Variants in EPHA5 observed in about 807,000 individuals in gnomAD.
EPHA5 encodes the protein ephrin type-A receptor 5.
A neutral mutation model predicts 105.0 loss-of-function variants in EPHA5; 60 were observed. The ratio of observed to expected loss-of-function variants is 0.57; its 90% CI spans 0.46 to 0.71. The LOEUF (loss-of-function observed/expected upper bound fraction) is 0.71. EPHA5 is among the 30% of genes least tolerant of loss of function. The pLI is 0.00. For missense variants in EPHA5, 1,218 were observed against 1,274.7 expected (o/e 0.96, Z 0.68); for synonymous variants, 513 against 449.1 (o/e 1.14, Z -1.80).
intron 3 of EPHA5, among the ~76,000 whole-genome samples, chr4:65,562,250 C>T (rs1016712797): frequency 6.6e-6 from 1 of 152,032 alleles, no homozygotes; most frequent in African/African-American, 2.4e-5. Flanking sequence ...TTATAAATTT[C>T]CCCCACTACT....
intron 5 of EPHA5, among the ~76,000 whole-genome samples, chr4:65,468,541 A>G (rs1197868077): frequency 9.4e-6 from 1 of 106,758 alleles, no homozygotes; most frequent in Admixed American, 1.2e-4. Context: ...ACCTTTATAT[A>G]TATATATAAT....
intron 3 of EPHA5, among the ~76,000 whole-genome samples, chr4:65,553,595 T>C (rs1738123412): frequency 6.6e-6 from 1 of 152,038 alleles, no homozygotes. Context: ...GTCAAATATC[T>C]GGTAAAAGAA....
chr4:65,573,661 T>A, intron 3 of EPHA5: 3 of 1,600,678 alleles, frequency 1.9e-6, no homozygotes, highest in South Asian at 2.2e-5. Context: ...AGAAAGGCCA[T>A]GTACAAGAGG....
chr4:65,352,465 T>C (rs1192262062), intron 12 of EPHA5, among the ~76,000 whole-genome samples: 2 of 152,056 alleles, frequency 1.3e-5, no homozygotes, highest in Non-Finnish European at 2.9e-5. Context: ...GTTGCCATTA[T>C]TTAAAATTTA....
chr4:65,367,381 T>C lies in EPHA5; in HGVS notation c.1837A>G (p.Lys613Glu). ...CTGTGCCCATTATGAAAATGCATCT[T>C]TTCCTCTTCTGGATCTTGTTTTGCT... is the stretch of plus-strand genomic sequence containing the variant. ...SKAKQDPEEE[K>E]MHFHNGHIKL... Residue 613 changes from lysine to glutamate, a missense_variant, in exon 9 of 17, where the codon AAG (lysine) becomes GAG (glutamate). This residue lies in a region of EPHA5 where 971 missense variants were observed against 1,013.5 expected (regional missense o/e 0.96). Transcript: ENST00000613740. 1.9e-6 allele frequency: 3 copies of C among 1,612,188 alleles called. No homozygotes were observed. Among genetic ancestry groups the C allele is most frequent in the Non-Finnish European group, 1.7e-6 (2 of 1,179,278 alleles).
At chr4:65,378,709 C>T (rs1423134497) in intron 8 of EPHA5, among the ~76,000 whole-genome samples, 1 of 151,890 alleles carries the variant, frequency 6.6e-6, no homozygotes, top group Middle Eastern at 3.2e-3. Flanking sequence ...CCTTTAAAAA[C>T]CGTTTGCCCT....
intron 2 of EPHA5, among the ~76,000 whole-genome samples, chr4:65,609,076 GC>G (rs1744511478): frequency 6.6e-6 from 1 of 152,052 alleles, no homozygotes; most frequent in South Asian, 2.1e-4. Context: ...AAAAAAATGG[GC>G]AATCCATTGG....
intron 3 of EPHA5, among the ~76,000 whole-genome samples, chr4:65,506,112 G>A (rs530268735): frequency 4.6e-5 from 7 of 152,170 alleles, no homozygotes; most frequent in Non-Finnish European, 8.8e-5. Flanking sequence ...TTGGTCTTTT[G>A]TCCTTGCAAT....
intron 8 of EPHA5, among the ~76,000 whole-genome samples, chr4:65,374,546 G>T (rs1401191665): frequency 6.6e-6 from 1 of 151,912 alleles, no homozygotes; most frequent in Non-Finnish European, 1.5e-5. Context: ...CATTGGAATT[G>T]CTGAGCCAAG....
At chr4:65,507,749 C>T (rs1048327756) in intron 3 of EPHA5, among the ~76,000 whole-genome samples, 23 of 151,970 alleles carry the variant, frequency 1.5e-4, no homozygotes, top group African/African-American at 5.1e-4. Context: ...TGCTTATCAG[C>T]TTAAGGAGAT....
intron 5 of EPHA5, among the ~76,000 whole-genome samples, chr4:65,433,915 G>C (rs144495008): frequency 6.6e-6 from 1 of 152,150 alleles, no homozygotes; most frequent in Non-Finnish European, 1.5e-5. Flanking sequence ...GTCGTGGCAG[G>C]CTCCTGTAAT....
intron 8 of EPHA5, among the ~76,000 whole-genome samples, chr4:65,387,731 T>C (rs1720249107): frequency 1.3e-5 from 2 of 151,960 alleles, no homozygotes; most frequent in African/African-American, 2.4e-5. Flanking sequence ...TTCCCATGTA[T>C]TACAAAAAGC....
chr4:65,556,312 CA>C (rs1266964639), intron 3 of EPHA5, among the ~76,000 whole-genome samples: 8 of 152,076 alleles, frequency 5.3e-5, no homozygotes, highest in Non-Finnish European at 1.2e-4. Flanking sequence ...AGGGCTTAGC[CA>C]GGGGCAATTC....
At chr4:65,327,384 T>C (rs1050974373) in intron 16 of EPHA5, among the ~76,000 whole-genome samples, 7 of 151,214 alleles carry the variant, frequency 4.6e-5, no homozygotes, top group Admixed American at 4.6e-4. Flanking sequence ...ATTATCTTTC[T>C]CCTCTTCCTT....
At chr4:65,483,322 C>T (rs59830808) in intron 5 of EPHA5, among the ~76,000 whole-genome samples, 4,528 of 152,262 alleles carry the variant, frequency 0.03, 216 homozygotes, top group African/African-American at 0.1. Flanking sequence ...AATAAACATA[C>T]GTGTGCATGT....
chr4:65,428,903 AT>A (rs1378638782), intron 5 of EPHA5, among the ~76,000 whole-genome samples: 1 of 152,062 alleles, frequency 6.6e-6, no homozygotes, highest in Admixed American at 6.6e-5. Flanking sequence ...CACTCATAGT[AT>A]TCTGTAAAAT....
intron 2 of EPHA5, among the ~76,000 whole-genome samples, chr4:65,626,843 A>G (rs546389238): frequency 3.3e-5 from 5 of 152,248 alleles, no homozygotes; most frequent in East Asian, 1.9e-4. Context: ...TAGTTAAAAT[A>G]TCAGCTAAAT....
chr4:65,492,218 T>C (rs182151076), intron 4 of EPHA5, among the ~76,000 whole-genome samples: 8 of 152,240 alleles, frequency 5.3e-5, no homozygotes, highest in Non-Finnish European at 8.8e-5. Flanking sequence ...TCTATTTATT[T>C]AGGGACAGAG....
At chr4:65,534,252 T>C (rs1330785876) in intron 3 of EPHA5, among the ~76,000 whole-genome samples, 1 of 152,176 alleles carries the variant, frequency 6.6e-6, no homozygotes, top group Non-Finnish European at 1.5e-5. Flanking sequence ...AAACTTTTAA[T>C]TATTTAGATT....
Sources: gnomAD v4.1 joint callset for allele counts (sites outside exome capture counted in the v4.1 genomes callset) on GRCh38, gnomAD v4.1.1 for gene constraint, gnomAD v4.1.1 regional missense constraint, MANE v1.5 for transcripts, NCBI Gene and HGNC (gene_info 2026-07-23, HGNC 2026-07-21) for gene names.